The following SLC13A2 variants were observed in gnomAD, a reference collection of about 807,000 sequenced individuals.
The protein encoded by SLC13A2 is solute carrier family 13 member 2, also known as Na(+)-coupled citrate transporter.
Under a neutral mutation model 58.5 loss-of-function variants are expected in SLC13A2, and 40 were observed. The ratio of observed to expected loss-of-function variants is 0.68; its 90% confidence interval spans 0.53 to 0.89. SLC13A2 has a LOEUF of 0.89. Ranked by LOEUF, SLC13A2 falls within the 40% of genes least tolerant of loss-of-function variation. The pLI is 0.00. For missense variants in SLC13A2, 694 were observed against 772.6 expected (o/e 0.90, Z 1.21); for synonymous variants, 341 against 331.6 (o/e 1.03, Z -0.31).
chr17:28,488,520 G>A (rs1296749542), intron 1 of SLC13A2, among the ~76,000 whole-genome samples: 1 of 152,220 alleles, frequency 6.6e-6, no homozygotes, highest in Non-Finnish European at 1.5e-5. Context: ...CCAGGCCTGA[G>A]GTCAGGCTTC....
At chr17:28,476,411 A>AAAAC (rs1259929762) in intron 1 of SLC13A2, among the ~76,000 whole-genome samples, 2 of 151,908 alleles carry the variant, frequency 1.3e-5, no homozygotes, top group African/African-American at 2.4e-5. Flanking sequence ...TTAATTTGAA[A>AAAAC]AAACAAACAA....
rs1555603532 is a variant in SLC13A2, at chr17:28,491,742, A to G, written c.768A>G (p.Gln256=). Residue 256 remains glutamine (Q), a synonymous_variant, in exon 6 of 12, where the codon CAA becomes CAG. Transcript: ENST00000314669. The part of the protein sequence containing the change: ...LQGQINSLFP[Q]NGNVVNFASW... ...GTTCCTCCTTCAGGCTCTTCCCCCA[A>G]AACGGCAACGTGGTGAACTTCGCCT... 3 of 1,614,042 alleles carry G rather than the reference A, an allele frequency of 1.9e-6. No homozygotes were observed. Among genetic ancestry groups the G allele is most frequent in the South Asian group, 2.2e-5 (2 of 91,072 alleles).
At chr17:28,478,065 A>T (rs184046759) in intron 1 of SLC13A2, among the ~76,000 whole-genome samples, 18 of 146,944 alleles carry the variant, frequency 1.2e-4, no homozygotes, top group African/African-American at 4.0e-4. Flanking sequence ...CTCAAAAAAT[A>T]AAAAAAAAAA....
chr17:28,494,544 TGTGAGG>T lies in SLC13A2; in HGVS notation c.1308+36_1308+41del. On this transcript the variant is annotated intron_variant, in intron 9 of 11. Transcript: ENST00000314669. The surrounding 1 kb of genome is among the most constrained non-coding windows in gnomAD (Gnocchi z 4.0). ...GGCCCCCAGCCCCCTCCTCAGCCTGTGTGAGGGTGTCTCTGTGGCAGGGAGAGAGGG... is the reference window on the plus strand; with the variant it reads ...GGCCCCCAGCCCCCTCCTCAGCCTGTGTGTCTCTGTGGCAGGGAGAGAGGG... 6.2e-7 allele frequency: 1 copy of T among 1,612,848 alleles called. No individual in the cohort carries two copies. Among genetic ancestry groups the T allele is most frequent in the Non-Finnish European group, 8.5e-7 (1 of 1,179,384 alleles).
intron 1 of SLC13A2, among the ~76,000 whole-genome samples, chr17:28,477,188 TTTTTG>T (rs1265839884): frequency 2.6e-5 from 3 of 114,392 alleles, no homozygotes; most frequent in Admixed American, 1.5e-4. Flanking sequence ...ACACCCAAGT[TTTTTG>T]TTTTTTTTTT....
rs782233882 is a variant in SLC13A2 at position 28,491,569 on chromosome 17, C to T, written c.707C>T (p.Thr236Met). The T allele has an allele frequency of 5.1e-5, 83 of 1,613,498 alleles. No homozygotes were observed. The highest frequency in any genetic ancestry group is 6.5e-5 in the Non-Finnish European group (77 of 1,180,040). The change falls in exon 5 of 12, where the codon ACG (threonine) becomes ATG (methionine). Residue 236 changes from threonine (T) to methionine (M), a missense_variant. Transcript: ENST00000314669. Reference protein sequence around the residue: ...CYSASIGGIATLTGTAPNLVL... With the variant: ...CYSASIGGIAMLTGTAPNLVL... ...TCCGCCAGCATCGGGGGCATCGCCACGCTGACTGGCACCGCACCCAACCTG... is the reference window on the plus strand; with the variant it reads ...TCCGCCAGCATCGGGGGCATCGCCATGCTGACTGGCACCGCACCCAACCTG...
In SLC13A2 at chr17:28,487,633, G is replaced by A. The variant is rs531195533; in HGVS notation, c.103-1581G>A. 7 of 962,312 alleles carry A rather than the reference G, an allele frequency of 7.3e-6. No homozygotes were observed. In the African/African-American group the frequency reaches 1.2e-4, roughly 17 times the overall value. The allele number at this position is 962,312 out of a possible 1,614,324, so 59.6% of individuals were successfully genotyped here. A position where few individuals can be genotyped will look rare whatever the true frequency, so the allele number is the denominator to read the frequency against. Reference sequence around the variant, plus strand: ...GGTGGAGGACACCAGGGTCCAGGAGGGCTGGCCCACCCTTAGTCCAAGGGG... The same window carrying A: ...GGTGGAGGACACCAGGGTCCAGGAGAGCTGGCCCACCCTTAGTCCAAGGGG... On this transcript the variant is annotated intron_variant, in intron 1 of 11. Transcript: ENST00000314669.
chr17:28,491,007 G>T, intron 4 of SLC13A2, 101 bp downstream of exon 4: 1 of 1,178,082 alleles, frequency 8.5e-7, no homozygotes, highest in Non-Finnish European at 1.2e-6. Flanking sequence ...AGCCTTTGGG[G>T]AGAGAAGAAA....
At position 28,491,789 on chromosome 17, in the gene SLC13A2, C is replaced by T; in HGVS notation, c.815C>T (p.Pro272Leu). The T allele has an allele frequency of 6.2e-7, 1 of 1,614,186 alleles. No individual in the cohort carries two copies. The highest frequency in any genetic ancestry group is 8.5e-7 in the Non-Finnish European group (1 of 1,180,018). The change falls in exon 6 of 12, where the codon CCC becomes CTC. Residue 272 changes from proline (P) to leucine (L), a missense_variant. Physicochemically the swap from Pro to Leu is moderately conservative, Grantham distance 98 (BLOSUM62 -3). Coordinates refer to ENST00000314669, the MANE Select transcript of SLC13A2 (RefSeq NM_003984.4). ...GCCTCCTGGTTCAGCTTCGCCTTCC[C>T]CACCATGGTCATCTTGCTGCTGCTG... ...NFASWFSFAF[P>L]TMVILLLLAW...
chr17:28,492,049 G>A (rs782530585), intron 6 of SLC13A2, among the ~76,000 whole-genome samples, 197 bp downstream of exon 6: 11 of 152,110 alleles, frequency 7.2e-5, no homozygotes, highest in African/African-American at 1.2e-4. Context: ...TCACAGATGC[G>A]CAAATTGAGG....
In SLC13A2 at chr17:28,482,191, T is replaced by TTTTG. The variant is rs530553446; in HGVS notation, c.103-6995_103-6992dup. ...CATGCCACCATGCCCAGCTAAGTTT[T>TTTTG]TTTGTTTGTTTGTTTGTTTGTTTGT... On this transcript the variant is annotated intron_variant, in intron 1 of 11. Coordinates refer to ENST00000314669, the MANE Select transcript of SLC13A2 (RefSeq NM_003984.4). Among the ~76,000 whole-genome samples the TTTTG allele has an allele frequency of 7.2e-3, 1,098 of 151,818 alleles. 10 individuals carry two copies. The highest frequency in any genetic ancestry group is 0.018 in the African/African-American group (752 of 41,312).
At chr17:28,481,808 C>T (rs1389163380) in intron 1 of SLC13A2, among the ~76,000 whole-genome samples, 3 of 151,974 alleles carry the variant, frequency 2.0e-5, no homozygotes, top group Non-Finnish European at 4.4e-5. Context: ...GAAGAGACTT[C>T]CATCCCTCCA....
intron 4 of SLC13A2, among the ~76,000 whole-genome samples, 166 bp downstream of exon 4, chr17:28,491,072 G>A (rs1395588590): frequency 6.6e-6 from 1 of 152,208 alleles, no homozygotes; most frequent in Non-Finnish European, 1.5e-5. Context: ...AAAATGTCAA[G>A]TACCCTGTTT....
At chr17:28,488,260 G>A (rs1555602357) in intron 1 of SLC13A2, among the ~76,000 whole-genome samples, 1 of 152,150 alleles carries the variant, frequency 6.6e-6, no homozygotes, top group African/African-American at 2.4e-5. Context: ...GAGAGGACAA[G>A]GACAGGGCAA....
At chr17:28,495,633 T>A in intron 9 of SLC13A2, 22 bp from the exon 10 acceptor site, 3 of 1,600,614 alleles carry the variant, frequency 1.9e-6, no homozygotes, top group Non-Finnish European at 2.6e-6. Flanking sequence ...GCCTCTCACA[T>A]GCCATCCTCC....
At chr17:28,486,694 G>A (rs1407107641) in intron 1 of SLC13A2, among the ~76,000 whole-genome samples, 1 of 152,114 alleles carries the variant, frequency 6.6e-6, no homozygotes, top group African/African-American at 2.4e-5. Context: ...TGAGGGCAGA[G>A]CCCTAGGGAG....
At chr17:28,477,310 T>C (rs181733139) in intron 1 of SLC13A2, among the ~76,000 whole-genome samples, 6,147 of 150,086 alleles carry the variant, frequency 0.041, 165 homozygotes, top group Middle Eastern at 0.065. Flanking sequence ...TCTCCTGCCT[T>C]AGCCTCCCGA....
chr17:28,483,162 C>T (rs1034016683), intron 1 of SLC13A2, among the ~76,000 whole-genome samples: 2 of 152,184 alleles, frequency 1.3e-5, no homozygotes, highest in African/African-American at 4.8e-5. Flanking sequence ...GGCCATGATG[C>T]CCACAGGTCC....
intron 1 of SLC13A2, among the ~76,000 whole-genome samples, chr17:28,488,824 AG>A (rs1555602499): frequency 2.0e-5 from 3 of 152,218 alleles, no homozygotes; most frequent in Non-Finnish European, 4.4e-5. Context: ...GATAAAAGCC[AG>A]GGAACGCCAG....
Sources: gnomAD v4.1 joint callset for allele counts (sites outside exome capture counted in the v4.1 genomes callset) on GRCh38, gnomAD v4.1.1 for gene constraint, Gnocchi (gnomAD v3.1) non-coding constraint, MANE v1.5 for transcripts, NCBI Gene and HGNC (gene_info 2026-07-23, HGNC 2026-07-21) for gene names.